The following THSD7B variants were observed in gnomAD, a reference collection of about 807,000 sequenced individuals.
The protein encoded by THSD7B is thrombospondin type-1 domain-containing protein 7B.
THSD7B carries 138 observed loss-of-function variants against 213.6 expected under a neutral mutation model. The ratio of observed to expected loss-of-function variants is 0.65; its 90% CI spans 0.56 to 0.74. The LOEUF is 0.74. Among genes scored for constraint, THSD7B ranks in the 30% least tolerant of loss-of-function variants. The probability of loss-of-function intolerance (pLI) is 0.00; values close to 1 mark genes in which losing one functional copy is unlikely to be tolerated. For synonymous variants in THSD7B, 742 were observed against 687.0 expected (o/e 1.08, Z -1.25); for missense variants, 1,931 against 1,991.5 (o/e 0.97, Z 0.58).
At chr2:136,895,020 G>C (rs1558842319) in intron 2 of THSD7B, among the ~76,000 whole-genome samples, 1 of 152,180 alleles carries the variant, frequency 6.6e-6, no homozygotes, top group Non-Finnish European at 1.5e-5. Flanking sequence ...TGGCATGTTT[G>C]AACAAACCTG....
intron 15 of THSD7B, among the ~76,000 whole-genome samples, chr2:137,549,552 GA>G (rs993230036): frequency 6.6e-6 from 1 of 151,940 alleles, no homozygotes; most frequent in Non-Finnish European, 1.5e-5. Flanking sequence ...CACTTAGCAT[GA>G]AATCCTCTTA....
At position 137,563,357 on chromosome 2, in the gene THSD7B, G is replaced by A. The variant is rs771565524; in HGVS notation, c.3272+3G>A. 1.1e-5 allele frequency: 17 copies of A among 1,612,316 alleles called. No individual in the cohort carries two copies. Among genetic ancestry groups the A allele is most frequent in the East Asian group, 8.9e-5 (4 of 44,872 alleles). ...GGAACACAATCTAGGAAAATCAGGT[G>A]TGTGAAAATGGAGAGATTTGGGAAA... On this transcript the variant is annotated splice_donor_region_variant and intron_variant, in intron 16 of 27. Coordinates refer to ENST00000409968, the MANE Select transcript of THSD7B (RefSeq NM_001316349.2).
At chr2:137,257,089 T>C (rs886628683) in intron 10 of THSD7B, among the ~76,000 whole-genome samples, 3 of 152,162 alleles carry the variant, frequency 2.0e-5, no homozygotes. Flanking sequence ...CCGTGATCCG[T>C]AATCCCATTA....
chr2:137,101,553 C>A (rs907287717), intron 4 of THSD7B, among the ~76,000 whole-genome samples: 1 of 152,188 alleles, frequency 6.6e-6, no homozygotes. Context: ...ATTCACTCTC[C>A]TGGAAAGGGG....
At position 137,103,798 on chromosome 2, in the gene THSD7B, C is replaced by T. The variant is rs139832741; in HGVS notation, c.1199+8677C>T. Among the ~76,000 whole-genome samples the T allele has an allele frequency of 3.2e-3, 489 of 152,098 alleles. 2 individuals are homozygous for T. The highest frequency in any genetic ancestry group is 8.2e-3 in the Admixed American group (126 of 15,280). Reference sequence around the variant, plus strand: ...TAAAAAAAATCAAAGAAGGGCATTACGTAATGGTAAAGGGATAAACGCAAC... The same window carrying T: ...TAAAAAAAATCAAAGAAGGGCATTATGTAATGGTAAAGGGATAAACGCAAC... On this transcript the variant is annotated intron_variant, in intron 4 of 27. Coordinates refer to ENST00000409968, the MANE Select transcript of THSD7B (RefSeq NM_001316349.2).
intron 2 of THSD7B, among the ~76,000 whole-genome samples, chr2:136,906,046 T>C (rs1282334089): frequency 3.3e-5 from 5 of 152,232 alleles, no homozygotes; most frequent in African/African-American, 1.2e-4. Context: ...TCCAATGCAT[T>C]GAACCTGGCC....
intron 15 of THSD7B, among the ~76,000 whole-genome samples, chr2:137,542,549 A>G (rs115625217): frequency 2.9e-4 from 44 of 151,836 alleles, no homozygotes; most frequent in African/African-American, 1.1e-3. Flanking sequence ...GGTAATAACT[A>G]CCTAAGTATC....
At chr2:137,332,500 T>C (rs1323428391) in intron 12 of THSD7B, among the ~76,000 whole-genome samples, 1 of 152,180 alleles carries the variant, frequency 6.6e-6, no homozygotes, top group Non-Finnish European at 1.5e-5. Flanking sequence ...GATGACAGTT[T>C]GGACTTAGAC....
intron 15 of THSD7B, among the ~76,000 whole-genome samples, chr2:137,521,935 T>C (rs1174969041): frequency 1.3e-5 from 2 of 152,228 alleles, no homozygotes; most frequent in Non-Finnish European, 2.9e-5. Context: ...CATGATTTTT[T>C]AGCACAAGAT....
At chr2:137,483,893 G>C in intron 15 of THSD7B, among the ~76,000 whole-genome samples, 1 of 152,164 alleles carries the variant, frequency 6.6e-6, no homozygotes, top group Non-Finnish European at 1.5e-5. Flanking sequence ...GAGACCTAAA[G>C]AAGAATCAGT....
rs367718177 is a variant in THSD7B, at chr2:137,646,810, A to G, written c.3945+4177A>G. ...AGCAACATGAACAGACTAAGAGACTATCTTAGATAAATAAATCATAATTCC... is the reference window on the plus strand; with the variant it reads ...AGCAACATGAACAGACTAAGAGACTGTCTTAGATAAATAAATCATAATTCC... On this transcript the variant is annotated intron_variant, in intron 21 of 27. Transcript: ENST00000409968. 6.6e-5 allele frequency among the ~76,000 whole-genome samples: 10 copies of G among 152,246 alleles called. No homozygotes were observed. The East Asian group carries it at 1.9e-3, about 29-fold the overall frequency.
intron 17 of THSD7B, among the ~76,000 whole-genome samples, chr2:137,580,039 TA>T (rs1042623557): frequency 6.6e-6 from 1 of 152,146 alleles, no homozygotes; most frequent in African/African-American, 2.4e-5. Context: ...CTTTCTTGCT[TA>T]AAAAAATCCC....
chr2:137,262,454 G>C (rs1428091991), intron 10 of THSD7B, among the ~76,000 whole-genome samples: 1 of 148,326 alleles, frequency 6.7e-6, no homozygotes, highest in African/African-American at 2.5e-5. Flanking sequence ...CAGGATTTGC[G>C]GAAAAAAAAA....
At chr2:137,531,172 T>TG (rs1224237584) in intron 15 of THSD7B, among the ~76,000 whole-genome samples, 1 of 151,960 alleles carries the variant, frequency 6.6e-6, no homozygotes, top group Non-Finnish European at 1.5e-5. Flanking sequence ...AAGTTGGCCT[T>TG]GTAAGGCACA....
At chr2:137,020,407 T>A (rs1686420788) in intron 2 of THSD7B, among the ~76,000 whole-genome samples, 2 of 152,156 alleles carry the variant, frequency 1.3e-5, no homozygotes, top group African/African-American at 4.8e-5. Context: ...ATGCCTGCAA[T>A]CGCTTTAGAA....
chr2:137,173,296 C>A (rs2104997592), intron 7 of THSD7B, among the ~76,000 whole-genome samples: 2 of 152,300 alleles, frequency 1.3e-5, no homozygotes, highest in Admixed American at 1.3e-4. Context: ...ATAACTAATT[C>A]TTCCTCCCCA....
At chr2:137,478,732 C>T (rs994234539) in intron 15 of THSD7B, among the ~76,000 whole-genome samples, 6 of 152,044 alleles carry the variant, frequency 3.9e-5, no homozygotes, top group Admixed American at 2.0e-4. Context: ...AGGACATTTT[C>T]CTAAAGTTGT....
intron 2 of THSD7B, among the ~76,000 whole-genome samples, chr2:136,947,389 C>T (rs774749829): frequency 4.0e-5 from 6 of 151,846 alleles, no homozygotes; most frequent in Non-Finnish European, 8.8e-5. Context: ...AAATAATTTT[C>T]CTAATTTGTC....
In THSD7B at chr2:137,170,947, CAGTGACCCACT is replaced by C; in HGVS notation, c.1723+12_1723+22del. 1 of 1,611,590 alleles carries C rather than the reference CAGTGACCCACT, an allele frequency of 6.2e-7. No homozygotes were observed. Among genetic ancestry groups the C allele is most frequent in the South Asian group, 1.1e-5 (1 of 90,896 alleles). On this transcript the variant is annotated intron_variant, in intron 7 of 27. Transcript: ENST00000409968. ...CTGCCAGAATGACCGCGGTATGACC[CAGTGACCCACT>C]AGAGGTGTTAGGATGTTAAGTATCA...
Sources: gnomAD v4.1 joint callset for allele counts (sites outside exome capture counted in the v4.1 genomes callset) on GRCh38, gnomAD v4.1.1 for gene constraint, MANE v1.5 for transcripts, NCBI Gene and HGNC (gene_info 2026-07-23, HGNC 2026-07-21) for gene names.